PXDNL: variants seen among roughly 807,000 people sequenced by gnomAD.
The protein encoded by PXDNL is peroxidasin like, also known as probable oxidoreductase PXDNL.
Under a neutral mutation model 150.8 loss-of-function variants are expected in PXDNL, and 145 were observed. The ratio of observed to expected loss-of-function variants is 0.96; its 90% CI spans 0.84 to 1.10. PXDNL has a LOEUF of 1.10. Among genes scored for constraint, PXDNL ranks in the 50% least tolerant of loss-of-function variants. The probability of loss-of-function intolerance (pLI) is 0.00; values close to 1 mark genes in which losing one functional copy is unlikely to be tolerated. For missense variants in PXDNL, 2,087 were observed against 1,873.9 expected (o/e 1.11, Z -2.10); for synonymous variants, 757 against 725.7 (o/e 1.04, Z -0.69).
At chr8:51,462,179 A>G (rs1810099087) in intron 8 of PXDNL, among the ~76,000 whole-genome samples, 1 of 151,428 alleles carries the variant, frequency 6.6e-6, no homozygotes, top group Non-Finnish European at 1.5e-5. Context: ...TCAAAGAGAT[A>G]AAGGAACACC....
chr8:51,636,413 A>G (rs1056212755), intron 2 of PXDNL, among the ~76,000 whole-genome samples: 4 of 152,180 alleles, frequency 2.6e-5, no homozygotes, highest in Non-Finnish European at 5.9e-5. Flanking sequence ...AACTATCTCT[A>G]TTCACAGATG....
intron 3 of PXDNL, among the ~76,000 whole-genome samples, chr8:51,577,804 C>T (rs1813090818): frequency 6.7e-6 from 1 of 150,086 alleles, no homozygotes; most frequent in South Asian, 2.1e-4. Flanking sequence ...ATCCTTCCCT[C>T]TAAGGTCAGG....
At chr8:51,621,067 G>T (rs984837771) in intron 2 of PXDNL, among the ~76,000 whole-genome samples, 1 of 152,096 alleles carries the variant, frequency 6.6e-6, no homozygotes, top group African/African-American at 2.4e-5. Flanking sequence ...AAATAAAGAT[G>T]AACTACTTTC....
intron 1 of PXDNL, among the ~76,000 whole-genome samples, chr8:51,759,883 G>A (rs6982363): frequency 0.57 from 86,626 of 151,938 alleles, 28,086 homozygotes; most frequent in Non-Finnish European, 0.72. Flanking sequence ...CAATGCCCTC[G>A]GGGCACCTAA....
intron 21 of PXDNL, among the ~76,000 whole-genome samples, chr8:51,323,653 C>T (rs940063191): frequency 8.5e-5 from 13 of 152,166 alleles, no homozygotes; most frequent in East Asian, 3.9e-4. Flanking sequence ...GTGGCTCATG[C>T]TTATAATCTC....
At chr8:51,340,326 A>C (rs1477639027) in intron 20 of PXDNL, 1 of 152,228 alleles carries the variant, frequency 6.6e-6, no homozygotes, top group South Asian at 2.1e-4. Flanking sequence ...CTTTGAGTTT[A>C]CTGAAACTTT....
At chr8:51,660,950 C>T (rs1815258455) in intron 1 of PXDNL, among the ~76,000 whole-genome samples, 1 of 152,150 alleles carries the variant, frequency 6.6e-6, no homozygotes, top group South Asian at 2.1e-4. Context: ...CCTTTGCGAC[C>T]GCCCCCCATC....
intron 1 of PXDNL, among the ~76,000 whole-genome samples, chr8:51,684,795 G>A (rs1036230558): frequency 6.6e-6 from 1 of 152,140 alleles, no homozygotes; most frequent in Admixed American, 6.5e-5. Flanking sequence ...AGAGCAGTGG[G>A]CAGTCACGAA....
chr8:51,774,636 G>T (rs190282925), intron 1 of PXDNL, among the ~76,000 whole-genome samples: 68 of 152,162 alleles, frequency 4.5e-4, no homozygotes, highest in African/African-American at 1.6e-3. Flanking sequence ...GGGTAACACA[G>T]TGAAACCCTG....
rs1363476119 is a variant in PXDNL at position 51,475,042 on chromosome 8, A to G, written c.624T>C (p.Ala208=). The G allele has an allele frequency of 6.2e-7, 1 of 1,613,288 alleles. No individual in the cohort carries two copies. Among genetic ancestry groups the G allele is most frequent in the Non-Finnish European group, 8.5e-7 (1 of 1,179,624 alleles). ...FAQHGHTQAA[A]TCEYPRRLHG... ...GGAGTCTCCTGGGATATTCGCAGGT[A>G]GCCGCAGCCTGGGTGTGGCCGTGTT... Residue 208 remains alanine, a synonymous_variant, in exon 7 of 23, where the codon GCT becomes GCC. Transcript: ENST00000356297.
At chr8:51,802,050 G>C (rs998971558) in intron 1 of PXDNL, among the ~76,000 whole-genome samples, 4 of 152,010 alleles carry the variant, frequency 2.6e-5, no homozygotes, top group Admixed American at 2.6e-4. Flanking sequence ...CATAGCATAT[G>C]TAACCATTAG....
At chr8:51,562,783 A>G (rs1000873260) in intron 3 of PXDNL, among the ~76,000 whole-genome samples, 1 of 151,944 alleles carries the variant, frequency 6.6e-6, no homozygotes, top group African/African-American at 2.4e-5. Context: ...CTACCATGGG[A>G]CCATAGAGGT....
chr8:51,725,191 A>G (rs10093207), intron 1 of PXDNL, among the ~76,000 whole-genome samples: 1,789 of 152,278 alleles, frequency 0.012, 31 homozygotes, highest in African/African-American at 0.036. Context: ...ATGTCTAGAA[A>G]GTATCAGATC....
chr8:51,390,066 C>CA (rs1043074786), intron 17 of PXDNL, among the ~76,000 whole-genome samples: 11 of 150,802 alleles, frequency 7.3e-5, no homozygotes, highest in East Asian at 5.8e-4. Context: ...CCCCCCCCAC[C>CA]AAAAAAAAAT....
At chr8:51,600,107 CAT>C (rs1563478528) in intron 2 of PXDNL, among the ~76,000 whole-genome samples, 1 of 116,910 alleles carries the variant, frequency 8.6e-6, no homozygotes, top group Non-Finnish European at 1.9e-5. Flanking sequence ...TAAATTATAT[CAT>C]ATAAATTATA....
chr8:51,433,209 A>AAATAAT (rs71237206), intron 12 of PXDNL, among the ~76,000 whole-genome samples: 15,785 of 144,000 alleles, frequency 0.11, 891 homozygotes, highest in Non-Finnish European at 0.12. Context: ...ACTCTATCTC[A>AAATAAT]AATAATAATA....
Position 51,409,166 on chromosome 8 carries a change from C to T in PXDNL, c.2458G>A (p.Ala820Thr), listed in dbSNP as rs1476356069. The T allele has an allele frequency of 6.2e-7, 1 of 1,600,398 alleles. No homozygotes were observed. The highest frequency in any genetic ancestry group is 1.3e-5 in the African/African-American group (1 of 74,880). Residue 820 changes from alanine to threonine, a missense_variant, in exon 17 of 23, where the codon GCG becomes ACG. By Grantham distance (58) the Ala-to-Thr change is moderately conservative. Coordinates refer to ENST00000356297, the MANE Select transcript of PXDNL (RefSeq NM_144651.5). ...LEHDLDHTVP[A>T]LSTARFSDGR... is the part of the protein sequence containing the mutation. ...TCCGAGAAGCGGGCTGTGCTCAGCGCAGGCACTGTGTGGTCCAAGTCGTGC... is the reference window on the plus strand; with the variant it reads ...TCCGAGAAGCGGGCTGTGCTCAGCGTAGGCACTGTGTGGTCCAAGTCGTGC...
intron 1 of PXDNL, among the ~76,000 whole-genome samples, chr8:51,664,305 T>A (rs1385674850): frequency 6.6e-6 from 1 of 152,152 alleles, no homozygotes. Context: ...CATAACCTCT[T>A]GAATTGCTAA....
chr8:51,726,182 G>A (rs927008507), intron 1 of PXDNL, among the ~76,000 whole-genome samples: 3 of 152,178 alleles, frequency 2.0e-5, no homozygotes, highest in African/African-American at 7.2e-5. Flanking sequence ...ATCAGTTCTT[G>A]AATAGTTCAT....
Sources: allele counts gnomAD v4.1 joint callset (sites outside exome capture counted in the v4.1 genomes callset), GRCh38; gene constraint gnomAD v4.1.1; transcripts MANE v1.5; gene names NCBI Gene and HGNC (gene_info 2026-07-23, HGNC 2026-07-21).